PAX2: variants seen among roughly 807,000 people sequenced by gnomAD.
PAX2 encodes paired box protein Pax-2.
Under a neutral mutation model 41.7 loss-of-function variants are expected in PAX2, and 9 were observed. That is an observed-to-expected ratio of 0.22 (90% confidence interval 0.13 to 0.38). The LOEUF (loss-of-function observed/expected upper bound fraction) is 0.38. Ranked by LOEUF, PAX2 falls within the 10% of genes least tolerant of loss-of-function variation. The pLI, the probability that PAX2 is intolerant of heterozygous loss-of-function variation, is 1.00. For missense variants in PAX2, 418 were observed against 531.6 expected, an observed-to-expected ratio of 0.79 and a Z score of 2.10; for synonymous variants, 221 against 212.7, an observed-to-expected ratio of 1.04 and a Z score of -0.34.
At chr10:100,809,330 C>A in intron 7 of PAX2, 94 bp downstream of exon 7, 1 of 1,210,696 alleles carries the variant, frequency 8.3e-7, no homozygotes, top group Non-Finnish European at 1.2e-6. Context: ...GCAGGTCCCC[C>A]ACCGTGATAT....
chr10:100,744,147 T>C (rs1238125528), upstream of PAX2, among the ~76,000 whole-genome samples: 1 of 152,120 alleles, frequency 6.6e-6, no homozygotes, highest in Non-Finnish European at 1.5e-5. Flanking sequence ...TCTCTCCCCA[T>C]GGTATCTGCC....
intron 5 of PAX2, among the ~76,000 whole-genome samples, chr10:100,805,023 TACACACACAC>T (rs3978747): frequency 0.2 from 19,221 of 94,830 alleles, 1,935 homozygotes; most frequent in Middle Eastern, 0.27. Flanking sequence ...CTCTCTCACA[TACACACACAC>T]ACACACACAC....
intron 7 of PAX2, among the ~76,000 whole-genome samples, chr10:100,819,837 A>C (rs1410546559): frequency 6.6e-6 from 1 of 152,212 alleles, no homozygotes; most frequent in Non-Finnish European, 1.5e-5. Flanking sequence ...CTGTACTTGT[A>C]AGGGGAGCTG....
intron 7 of PAX2, among the ~76,000 whole-genome samples, chr10:100,814,277 A>C (rs964207772): frequency 6.0e-5 from 9 of 150,172 alleles, no homozygotes; most frequent in African/African-American, 2.2e-4. Context: ...ACTTGAACCC[A>C]GAAGGCAGAG....
chr10:100,802,885 C>T (rs916050131), intron 5 of PAX2, among the ~76,000 whole-genome samples: 1 of 152,152 alleles, frequency 6.6e-6, no homozygotes, highest in African/African-American at 2.4e-5. Context: ...CTGCTTCCAC[C>T]TCTGTTTCAG....
At chr10:100,805,018 TCACATA>T (rs749370964) in intron 5 of PAX2, among the ~76,000 whole-genome samples, 126 of 32,868 alleles carry the variant, frequency 3.8e-3, no homozygotes, top group South Asian at 8.4e-3. Flanking sequence ...TCTCTCTCTC[TCACATA>T]CACACACACA....
At chr10:100,764,758 G>T (rs74930591) in intron 3 of PAX2, among the ~76,000 whole-genome samples, 3,196 of 152,132 alleles carry the variant, frequency 0.021, 107 homozygotes, top group African/African-American at 0.069. Flanking sequence ...AGGAATTCAA[G>T]GTTGGCATTT....
rs1336446841 is a variant in PAX2 at position 100,791,961 on chromosome 10, G to A, written c.616+10596G>A. Among the ~76,000 whole-genome samples, 1 of 152,192 alleles carries A rather than the reference G, an allele frequency of 6.6e-6. No homozygotes were observed. The highest frequency in any genetic ancestry group is 1.5e-5 in the Non-Finnish European group (1 of 68,028). The stretch of plus-strand genomic sequence containing the variant: ...GGTGGTCTTGGGCAGTGGGTATGTG[G>A]TCCAGGCAGCAAAAGGGACCAGAAT... On this transcript the variant is annotated intron_variant, in intron 5 of 9. Coordinates refer to ENST00000355243, the MANE Select transcript of PAX2 (RefSeq NM_000278.5). The surrounding 1 kb of genome is among the most constrained non-coding windows in gnomAD (Gnocchi z 4.5).
chr10:100,735,566 G>A (rs1408676006), exon 1 of PAX2: 15 of 627,198 alleles, frequency 2.4e-5, no homozygotes, highest in Admixed American at 5.5e-5. Context: ...GGCGGCTCGG[G>A]TTATCTGAGC....
chr10:100,815,231 G>C (rs1022983046), intron 7 of PAX2, among the ~76,000 whole-genome samples: 1 of 152,210 alleles, frequency 6.6e-6, no homozygotes, highest in Non-Finnish European at 1.5e-5. Flanking sequence ...CCCCGGGGGA[G>C]GAGAGGGCAA....
At chr10:100,825,465 C>T (rs1011040946) in intron 8 of PAX2, among the ~76,000 whole-genome samples, 3 of 152,150 alleles carry the variant, frequency 2.0e-5, no homozygotes, top group African/African-American at 7.2e-5. Flanking sequence ...GTGACTGCAG[C>T]TGGAGGTTGT....
chr10:100,817,474 A>T (rs539530216), intron 7 of PAX2, among the ~76,000 whole-genome samples: 16 of 152,336 alleles, frequency 1.1e-4, no homozygotes, highest in African/African-American at 3.8e-4. Flanking sequence ...TACACAGCCC[A>T]GAGGAGGGCG....
At chr10:100,822,974 T>A (rs527475816) in intron 7 of PAX2, among the ~76,000 whole-genome samples, 2 of 152,232 alleles carry the variant, frequency 1.3e-5, no homozygotes, top group African/African-American at 4.8e-5. Context: ...GCAGCCACAT[T>A]TAGGACAGAC....
rs577705863 is a variant in PAX2 at position 100,792,051 on chromosome 10, G to C, written c.616+10686G>C. Among the ~76,000 whole-genome samples the C allele has an allele frequency of 2.0e-5, 3 of 152,338 alleles. No homozygotes were observed. The East Asian group carries it at 5.8e-4, about 29-fold the overall frequency. On this transcript the variant is annotated intron_variant, in intron 5 of 9. Transcript: ENST00000355243. ...GATGCTGGGGATCCATTTTTCTCTGGCATTTTGGTCTGAACCATGTGGGTG... is the reference window on the plus strand; with the variant it reads ...GATGCTGGGGATCCATTTTTCTCTGCCATTTTGGTCTGAACCATGTGGGTG...
chr10:100,754,675 G>A (rs150551877), intron 3 of PAX2, among the ~76,000 whole-genome samples: 159 of 152,310 alleles, frequency 1.0e-3, no homozygotes, highest in East Asian at 3.3e-3. Context: ...CTAGTTGTTC[G>A]TTCAAAGACC....
At chr10:100,795,670 C>A (rs1847300201) in intron 5 of PAX2, among the ~76,000 whole-genome samples, 1 of 152,202 alleles carries the variant, frequency 6.6e-6, no homozygotes, top group South Asian at 2.1e-4. Flanking sequence ...TACCTCTTCC[C>A]CCTTTTCTGA....
intron 6 of PAX2, among the ~76,000 whole-genome samples, 158 bp downstream of exon 6, chr10:100,806,763 A>T (rs1258941725): frequency 6.6e-6 from 1 of 152,194 alleles, no homozygotes; most frequent in African/African-American, 2.4e-5. Flanking sequence ...CACATGAGAC[A>T]GTATGGTATC....
At chr10:100,825,524 A>G (rs966942520) in intron 8 of PAX2, among the ~76,000 whole-genome samples, 2 of 152,134 alleles carry the variant, frequency 1.3e-5, no homozygotes, top group African/African-American at 4.8e-5. Flanking sequence ...CTTGAAGCCA[A>G]AGAGAGTTGA....
At chr10:100,741,172 A>T (rs1411372784), upstream of PAX2, among the ~76,000 whole-genome samples, 3 of 152,184 alleles carry the variant, frequency 2.0e-5, no homozygotes, top group Non-Finnish European at 4.4e-5. Flanking sequence ...CACAGGACCA[A>T]CAGACCGAGC....
Sources: gnomAD v4.1 joint callset for allele counts (sites outside exome capture counted in the v4.1 genomes callset) on GRCh38, gnomAD v4.1.1 for gene constraint, Gnocchi (gnomAD v3.1) non-coding constraint, MANE v1.5 for transcripts, NCBI Gene and HGNC (gene_info 2026-07-23, HGNC 2026-07-21) for gene names.